The following MYO18A variants were observed in gnomAD, a reference collection of about 807,000 sequenced individuals.
The protein encoded by MYO18A is unconventional myosin-XVIIIa.
MYO18A carries 78 observed loss-of-function variants against 235.8 expected under a neutral mutation model. That is an observed-to-expected ratio of 0.33 (90% CI 0.28 to 0.40). MYO18A has a LOEUF of 0.40. Ranked by LOEUF, MYO18A falls within the 10% of genes least tolerant of loss-of-function variation. The pLI is 1.00. For synonymous variants in MYO18A, 977 were observed against 1,077.8 expected (o/e 0.91, Z 1.83); for missense variants, 2,215 against 2,699.3 (o/e 0.82, Z 3.98).
In MYO18A at chr17:29,072,201, C is replaced by G. The variant is rs200081976; in HGVS notation, c.*2569G>C. ...GACAGAACTGAACATAAGCTAGCAG[C>G]CTTTTTTTTTTTTTTTTTTTTTTTG... On this transcript the variant is annotated 3_prime_UTR_variant, in exon 42 of 42. Coordinates refer to ENST00000527372, the MANE Select transcript of MYO18A (RefSeq NM_078471.4). 9.5e-6 allele frequency: 1 copy of G among 105,044 alleles called. No individual in the cohort carries two copies. Among genetic ancestry groups the G allele is most frequent in the East Asian group, 2.8e-4 (1 of 3,628 alleles). 6.5% of individuals were successfully genotyped at this position (105,044 alleles called of 1,614,324 possible). A position where few individuals can be genotyped will look rare whatever the true frequency, so the allele number is the denominator to read the frequency against.
At chr17:29,142,549 T>C (rs562283210) in intron 2 of MYO18A, among the ~76,000 whole-genome samples, 1 of 152,330 alleles carries the variant, frequency 6.6e-6, no homozygotes, top group South Asian at 2.1e-4. Context: ...GGGGACTTGT[T>C]GGAAATGCAA....
At chr17:29,149,199 CAAG>C (rs2067917898) in intron 2 of MYO18A, among the ~76,000 whole-genome samples, 1 of 152,258 alleles carries the variant, frequency 6.6e-6, no homozygotes, top group Non-Finnish European at 1.5e-5. Context: ...ACGCGTAGGG[CAAG>C]AAGAGGCAGG....
At chr17:29,159,280 T>A (rs1464587024) in intron 2 of MYO18A, among the ~76,000 whole-genome samples, 1 of 151,720 alleles carries the variant, frequency 6.6e-6, no homozygotes, top group South Asian at 2.1e-4. Context: ...CCCAAAGACC[T>A]TTCACCCACC....
Position 29,122,043 on chromosome 17 carries a change from C to T in MYO18A, c.1088-86G>A, listed in dbSNP as rs908832283. The T allele has an allele frequency of 7.3e-6, 11 of 1,507,442 alleles. No individual in the cohort carries two copies. The Admixed American group carries it at 1.7e-4, about 23-fold the overall frequency. The allele number at this position is 1,507,442 out of a possible 1,614,324, so 93.4% of individuals were successfully genotyped here. On this transcript the variant is annotated intron_variant, in intron 3 of 41. Transcript: ENST00000527372. ...AACTTCTCGGTCCTATCCTCCCCCCCACTGCATCACCAGCCTCTCCTTGCT... is the reference window on the plus strand; with the variant it reads ...AACTTCTCGGTCCTATCCTCCCCCCTACTGCATCACCAGCCTCTCCTTGCT...
chr17:29,121,795 C>A lies in MYO18A; in HGVS notation c.1194+56G>T. ...CTCCGCTGCCAGAGGATGGGCCTGC[C>A]CTGCCCAGTGCACTCCTGAGCCTCC... is the stretch of plus-strand genomic sequence containing the variant. On this transcript the variant is annotated intron_variant, in intron 4 of 41. Transcript: ENST00000527372. The surrounding 1 kb of genome is among the most constrained non-coding windows in gnomAD (Gnocchi z 4.2). 1.9e-6 allele frequency: 3 copies of A among 1,611,460 alleles called. No individual in the cohort carries two copies. The highest frequency in any genetic ancestry group is 2.5e-6 in the Non-Finnish European group (3 of 1,178,518).
chr17:29,086,388 T>A, intron 39 of MYO18A, 50 bp downstream of exon 39: 1 of 1,553,578 alleles, frequency 6.4e-7, no homozygotes, highest in Non-Finnish European at 8.7e-7. Context: ...CCAGAGGTGG[T>A]CAAGAGGGCC....
Position 29,110,039 on chromosome 17 carries a change from T to G in MYO18A, c.3150A>C (p.Val1050=), listed in dbSNP as rs545872098. ...KLHFVHCFLP[V]AEGWAGEPRS... is the part of the protein sequence containing the mutation. ...GGGGCTCCCCAGCCCAGCCCTCAGCTACAGGCAGGAAGCAGTGCACAAAAT... is the reference window on the plus strand; with the variant it reads ...GGGGCTCCCCAGCCCAGCCCTCAGCGACAGGCAGGAAGCAGTGCACAAAAT... The change falls in exon 19 of 42, where the codon GTA becomes GTC. Residue 1050 remains valine, a synonymous_variant. Transcript: ENST00000527372. 6.2e-7 allele frequency: 1 copy of G among 1,613,254 alleles called. No homozygotes were observed.
At chr17:29,128,126 C>T (rs918146020) in intron 2 of MYO18A, 21 of 1,075,060 alleles carry the variant, frequency 2.0e-5, no homozygotes, top group South Asian at 1.8e-4. Flanking sequence ...CATCAGGCTC[C>T]GCAGGCCCAG....
chr17:29,080,521 C>T, intron 41 of MYO18A: 2 of 986,112 alleles, frequency 2.0e-6, no homozygotes, highest in African/African-American at 3.5e-5. Flanking sequence ...AGAGGCCCGG[C>T]TCAGGGAAGG....
intron 33 of MYO18A, among the ~76,000 whole-genome samples, 163 bp downstream of exon 33, chr17:29,092,692 A>G (rs376894410): frequency 1.3e-5 from 2 of 152,186 alleles, no homozygotes; most frequent in East Asian, 3.8e-4. Flanking sequence ...AGTAAGGCAC[A>G]CGCAGAGCCT....
rs1488917348 is a variant in MYO18A, at chr17:29,103,670, G to A, written c.3442-6C>T. 7 of 1,613,602 alleles carry A rather than the reference G, an allele frequency of 4.3e-6. No individual in the cohort carries two copies. The highest frequency in any genetic ancestry group is 5.1e-6 in the Non-Finnish European group (6 of 1,179,852). ...TCCAGCAGCTCCTCCACTGCCTGTG[G>A]AGAGAGGCCTCTGTCAGGCAGCCCG... is the stretch of plus-strand genomic sequence containing the variant. On this transcript the variant is annotated splice_region_variant and splice_polypyrimidine_tract_variant and intron_variant, in intron 20 of 41. Transcript: ENST00000527372.
chr17:29,076,122 T>TACTC (rs904647109), intron 41 of MYO18A: 1 of 154,604 alleles, frequency 6.5e-6, no homozygotes, highest in African/African-American at 2.4e-5. Context: ...GGTCACTGAG[T>TACTC]ACTCCTATGT....
chr17:29,171,031 T>C (rs59094262), intron 1 of MYO18A, among the ~76,000 whole-genome samples: 4,821 of 152,264 alleles, frequency 0.032, 174 homozygotes, highest in African/African-American at 0.089. Flanking sequence ...AACTAACCTA[T>C]GGTGGGGGTA....
intron 14 of MYO18A, chr17:29,114,337 A>G (rs555780864): frequency 9.9e-6 from 5 of 507,192 alleles, no homozygotes; most frequent in Admixed American, 3.3e-5. Flanking sequence ...CATTACTCAC[A>G]TGAGTTGATT....
intron 37 of MYO18A, among the ~76,000 whole-genome samples, chr17:29,089,419 CAAAAAAAAA>C (rs56389977): frequency 4.2e-5 from 1 of 23,810 alleles, no homozygotes; most frequent in African/African-American, 1.5e-4. Flanking sequence ...GACTCTGTCT[CAAAAAAAAA>C]AAAAAAAAAA....
At chr17:29,094,511 C>G (rs1177259660) in intron 30 of MYO18A, 139 bp downstream of exon 30, 3 of 872,976 alleles carry the variant, frequency 3.4e-6, no homozygotes, top group Non-Finnish European at 5.4e-6. Flanking sequence ...GGTGCTCACT[C>G]CACATTTTGT....
intron 2 of MYO18A, among the ~76,000 whole-genome samples, chr17:29,156,920 C>G (rs2068076534): frequency 6.6e-6 from 1 of 152,212 alleles, no homozygotes; most frequent in Non-Finnish European, 1.5e-5. Flanking sequence ...CTGCATTGCC[C>G]CCACCACTGC....
intron 41 of MYO18A, chr17:29,080,229 G>C: frequency 1.0e-6 from 1 of 986,006 alleles, no homozygotes; most frequent in Non-Finnish European, 1.2e-6. Flanking sequence ...TGCTCCGCTG[G>C]AATGGAACAG....
In MYO18A at chr17:29,090,467, G is replaced by A. The variant is rs1275182203; in HGVS notation, c.5388+65C>T. On this transcript the variant is annotated intron_variant, in intron 36 of 41. Coordinates refer to ENST00000527372, the MANE Select transcript of MYO18A (RefSeq NM_078471.4). ...AAGCGCCTTCTAAACTGTGAACTTG[G>A]GGGTTCCTCCCACACCTAGTGACCC... The A allele has an allele frequency of 7.7e-6, 11 of 1,423,952 alleles. No individual in the cohort carries two copies. In the South Asian group the frequency reaches 1.2e-4, roughly 16 times the overall value. The allele number at this position is 1,423,952 out of a possible 1,614,324, so 88.2% of individuals were successfully genotyped here. A position where few individuals can be genotyped will look rare whatever the true frequency, so the allele number is the denominator to read the frequency against.
Sources: gnomAD v4.1 joint callset for allele counts (sites outside exome capture counted in the v4.1 genomes callset) on GRCh38, gnomAD v4.1.1 for gene constraint, Gnocchi (gnomAD v3.1) non-coding constraint, MANE v1.5 for transcripts, NCBI Gene and HGNC (gene_info 2026-07-23, HGNC 2026-07-21) for gene names.